The following NIPSNAP3B variants were observed in gnomAD, a reference collection of about 807,000 sequenced individuals.
NIPSNAP3B encodes the protein nipsnap homolog 3B.
In NIPSNAP3B, 30 loss-of-function variants were observed where a neutral mutation model predicts 31.5. The observed-to-expected ratio is 0.95, with a 90% CI of 0.71 to 1.29. NIPSNAP3B has a LOEUF of 1.29. NIPSNAP3B is among the 50% of genes most tolerant of loss of function. NIPSNAP3B has a pLI of 0.00. For synonymous variants in NIPSNAP3B, 106 were observed against 107.9 expected, an observed-to-expected ratio of 0.98 and a Z score of 0.11; for missense variants, 269 against 300.7, an observed-to-expected ratio of 0.89 and a Z score of 0.78.
At chr9:104,771,271 A>G in intron 4 of NIPSNAP3B, 1 of 283,742 alleles carries the variant, frequency 3.5e-6, no homozygotes, top group East Asian at 7.0e-5. Flanking sequence ...TACTTAGGTA[A>G]ACCCATGTCA....
In NIPSNAP3B at chr9:104,764,382, G is replaced by T. The variant is rs147942567; in HGVS notation, c.60+82G>T. The T allele has an allele frequency of 1.4e-3, 1,682 of 1,241,734 alleles. 24 individuals carry two copies. The African/African-American group carries it at 0.023, about 17-fold the overall frequency. The allele number at this position is 1,241,734 out of a possible 1,614,324, so 76.9% of individuals were successfully genotyped here. On this transcript the variant is annotated intron_variant, in intron 1 of 5. Coordinates refer to ENST00000374762, the MANE Select transcript of NIPSNAP3B (RefSeq NM_018376.4). ...GGTATTTCTGAAGCGTGCGAGCCAC[G>T]CTCAGGCGCTCCCAGACCTGGGGCC... is the stretch of plus-strand genomic sequence containing the variant.
At chr9:104,778,487 A>G (rs550623275), downstream of NIPSNAP3B, among the ~76,000 whole-genome samples, 1 of 152,288 alleles carries the variant, frequency 6.6e-6, no homozygotes, top group African/African-American at 2.4e-5. Context: ...TCGGCCTCCC[A>G]AAGTGCTGTG....
At chr9:104,787,102 G>A in the NIPSNAP3B span, 1 of 725,464 alleles carries the variant, frequency 1.4e-6, no homozygotes, top group East Asian at 2.7e-5. Flanking sequence ...GTTATTTCTT[G>A]ATGAATCAAA....
At chr9:104,788,058 C>T in the NIPSNAP3B span, 1 of 1,614,170 alleles carries the variant, frequency 6.2e-7, no homozygotes, top group Non-Finnish European at 8.5e-7. Context: ...CACCAACCTA[C>T]AGTGATAAAA....
rs1828349254 is a variant in NIPSNAP3B, at chr9:104,776,906, A to C, written c.*3833A>C. Among the ~76,000 whole-genome samples the C allele has an allele frequency of 6.6e-6, 1 of 152,162 alleles. No individual in the cohort carries two copies. The highest frequency in any genetic ancestry group is 2.1e-4 in the South Asian group (1 of 4,830). On this transcript the variant is annotated 3_prime_UTR_variant, in exon 6 of 6. Transcript: ENST00000374762. ...GTGAGTCTGAAAAAAGAAGTACATC[A>C]TTCCTTCACATGTCATTTTGAGCCA...
At position 104,772,678 on chromosome 9, in the gene NIPSNAP3B, T is replaced by C. The variant is rs1047931763; in HGVS notation, c.581-144T>C. On this transcript the variant is annotated intron_variant, in intron 4 of 5. Transcript: ENST00000374762. The stretch of plus-strand genomic sequence containing the variant: ...ATTTATCTTCCAAATTTCTGATCCC[T>C]CTGAAATCTTATAACTAACATATTT... The C allele has an allele frequency of 8.9e-6, 9 of 1,011,782 alleles. No homozygotes were observed. In the African/African-American group the frequency reaches 1.4e-4, roughly 16 times the overall value. The allele number at this position is 1,011,782 out of a possible 1,614,324, so 62.7% of individuals were successfully genotyped here.
At position 104,776,869 on chromosome 9, in the gene NIPSNAP3B, CAT is replaced by C. The variant is rs1290670700; in HGVS notation, c.*3799_*3800del. On this transcript the variant is annotated 3_prime_UTR_variant, in exon 6 of 6. Transcript: ENST00000374762. ...CCTAAGTACTTGTTGACTGAATTAA[CAT>C]ATGAGATCTGTGAGTCTGAAAAAAG... Among the ~76,000 whole-genome samples, 4 of 152,158 alleles carry C rather than the reference CAT, an allele frequency of 2.6e-5. No individual in the cohort carries two copies. Among genetic ancestry groups the C allele is most frequent in the African/African-American group, 4.8e-5 (2 of 41,440 alleles).
chr9:104,770,105 A>C (rs188564278), intron 3 of NIPSNAP3B, among the ~76,000 whole-genome samples: 1 of 152,312 alleles, frequency 6.6e-6, no homozygotes, highest in East Asian at 1.9e-4. Context: ...CACTAAGTAA[A>C]ACAGTTGACT....
chr9:104,784,587 A>G, the NIPSNAP3B span: 3 of 1,090,218 alleles, frequency 2.8e-6, no homozygotes, highest in South Asian at 4.1e-5. Flanking sequence ...GATTAACTAG[A>G]AAACTGTGTG....
downstream of NIPSNAP3B, chr9:104,782,136 G>A (rs1828582448): frequency 6.6e-6 from 1 of 152,038 alleles, no homozygotes; most frequent in Admixed American, 6.5e-5. Context: ...TTAGTAAAAT[G>A]AGGAAACCAT....
In NIPSNAP3B at chr9:104,764,369, G is replaced by C. The variant is rs533710772; in HGVS notation, c.60+69G>C. The stretch of plus-strand genomic sequence containing the variant: ...GGGAGGGGCGGGGGGTATTTCTGAA[G>C]CGTGCGAGCCACGCTCAGGCGCTCC... On this transcript the variant is annotated intron_variant, in intron 1 of 5. Coordinates refer to ENST00000374762, the MANE Select transcript of NIPSNAP3B (RefSeq NM_018376.4). 2.4e-4 allele frequency: 324 copies of C among 1,354,712 alleles called. No homozygotes were observed. The African/African-American group carries it at 4.3e-3, about 18-fold the overall frequency. The allele number at this position is 1,354,712 out of a possible 1,614,324, so 83.9% of individuals were successfully genotyped here.
In NIPSNAP3B at chr9:104,772,827, G is replaced by A. The variant is rs554203147; in HGVS notation, c.586G>A (p.Val196Ile). ...TEYGELNRVH[V>I]LWWNESADSR... ...CTTGTGGTTTATTTCTGCAGTTCAT[G>A]TTCTTTGGTGGAATGAGAGTGCAGA... Residue 196 changes from valine (V) to isoleucine (I), a missense_variant, in exon 5 of 6, where the codon GTT (valine) becomes ATT (isoleucine). Coordinates refer to ENST00000374762, the MANE Select transcript of NIPSNAP3B (RefSeq NM_018376.4). The A allele has an allele frequency of 4.3e-6, 7 of 1,612,444 alleles. No homozygotes were observed. Among genetic ancestry groups the A allele is most frequent in the African/African-American group, 4.0e-5 (3 of 75,004 alleles).
downstream of NIPSNAP3B, among the ~76,000 whole-genome samples, chr9:104,780,743 C>A (rs147465861): frequency 1.9e-3 from 282 of 152,320 alleles, no homozygotes; most frequent in African/African-American, 6.4e-3. Flanking sequence ...AATCTCAGTG[C>A]AGCTTCATAA....
Position 104,764,152 on chromosome 9 carries a change from C to G in NIPSNAP3B, c.-89C>G. ...CCCCTGCCTGAGTTCGCCAGTGGTC[C>G]AGGAGCCGCTTTTTTCCACTCGGGA... On this transcript the variant is annotated 5_prime_UTR_variant, in exon 1 of 6. Transcript: ENST00000374762. The G allele has an allele frequency of 3.8e-6, 5 of 1,312,682 alleles. No individual in the cohort carries two copies. Among genetic ancestry groups the G allele is most frequent in the Non-Finnish European group, 5.3e-6 (5 of 941,560 alleles). 81.3% of individuals were successfully genotyped at this position (1,312,682 alleles called of 1,614,324 possible). A position where few individuals can be genotyped will look rare whatever the true frequency, so the allele number is the denominator to read the frequency against.
At chr9:104,788,974 G>C in the NIPSNAP3B span, among the ~76,000 whole-genome samples, 1 of 152,236 alleles carries the variant, frequency 6.6e-6, no homozygotes, top group South Asian at 2.1e-4. Context: ...GAAATTTTGA[G>C]TGTGAGCAAC....
chr9:104,768,831 A>T, intron 2 of NIPSNAP3B, 32 bp from the exon 3 acceptor site: 2 of 1,578,452 alleles, frequency 1.3e-6, no homozygotes, highest in Non-Finnish European at 1.7e-6. Context: ...TTTAAATAAA[A>T]AAACATTTTC....
chr9:104,784,160 G>T, the NIPSNAP3B span: 2 of 938,362 alleles, frequency 2.1e-6, no homozygotes, highest in Middle Eastern at 2.3e-4. Context: ...TGTTTTCATT[G>T]CATTGAATTG....
chr9:104,771,161 T>C (rs1828209086), intron 4 of NIPSNAP3B, 163 bp downstream of exon 4: 1 of 586,476 alleles, frequency 1.7e-6, no homozygotes, highest in South Asian at 2.7e-5. Context: ...ATCTTATTTT[T>C]TTAGAATGTT....
At chr9:104,786,394 C>A in the NIPSNAP3B span, 3 of 1,613,242 alleles carry the variant, frequency 1.9e-6, no homozygotes, top group Admixed American at 5.0e-5. Context: ...TTCCATACTG[C>A]GGTAAAACAG....
Sources: allele counts gnomAD v4.1 joint callset (sites outside exome capture counted in the v4.1 genomes callset), GRCh38; gene constraint gnomAD v4.1.1; transcripts MANE v1.5; gene names NCBI Gene and HGNC (gene_info 2026-07-23, HGNC 2026-07-21).